Variants in PTPRE observed in about 807,000 individuals in gnomAD.
The protein encoded by PTPRE is receptor-type tyrosine-protein phosphatase epsilon.
PTPRE carries 51 observed loss-of-function variants against 102.0 expected under a neutral mutation model. The ratio of observed to expected loss-of-function variants is 0.50; its 90% CI spans 0.40 to 0.63. PTPRE has a LOEUF of 0.63. Among genes scored for constraint, PTPRE ranks in the 30% least tolerant of loss-of-function variants. The probability of loss-of-function intolerance (pLI) is 0.00; values close to 1 mark genes in which losing one functional copy is unlikely to be tolerated. For synonymous variants in PTPRE, 345 were observed against 348.2 expected, an observed-to-expected ratio of 0.99 and a Z score of 0.10; for missense variants, 752 against 915.1, an observed-to-expected ratio of 0.82 and a Z score of 2.30.
chr10:127,972,018 T>C (rs78215064), intron 1 of PTPRE, among the ~76,000 whole-genome samples: 6,166 of 152,304 alleles, frequency 0.04, 207 homozygotes, highest in Admixed American at 0.09. Flanking sequence ...GACTCTTAGA[T>C]GAGTTTGGAG....
chr10:128,025,439 T>C (rs992819148), intron 2 of PTPRE, among the ~76,000 whole-genome samples: 2 of 152,124 alleles, frequency 1.3e-5, no homozygotes, highest in African/African-American at 2.4e-5. Flanking sequence ...GGTCAGGACG[T>C]GGTCATTTGA....
chr10:128,083,930 T>A lies in PTPRE; in HGVS notation c.*1024T>A, dbSNP rs1297170841. The stretch of plus-strand genomic sequence containing the variant: ...AGCAGCATTTTGGTATTTAAACATT[T>A]CTTGTAAAAAGCTGAGACAGTTTGT... On this transcript the variant is annotated 3_prime_UTR_variant, in exon 21 of 21. Coordinates refer to ENST00000254667, the MANE Select transcript of PTPRE (RefSeq NM_006504.6). The A allele has an allele frequency of 1.3e-5, 2 of 152,212 alleles. No homozygotes were observed. The highest frequency in any genetic ancestry group is 2.9e-5 in the Non-Finnish European group (2 of 68,028). 9.4% of individuals were successfully genotyped at this position (152,212 alleles called of 1,614,324 possible).
intron 1 of PTPRE, among the ~76,000 whole-genome samples, chr10:127,919,591 A>G (rs1846449504): frequency 6.6e-6 from 1 of 152,202 alleles, no homozygotes; most frequent in Non-Finnish European, 1.5e-5. Flanking sequence ...ATCTGCATCC[A>G]TAAGAAGAAA....
rs554040314 is a variant in PTPRE, at chr10:128,028,292, G to A, written c.-7-12583G>A. Among the ~76,000 whole-genome samples the A allele has an allele frequency of 7.2e-5, 11 of 152,032 alleles. No homozygotes were observed. Among genetic ancestry groups the A allele is most frequent in the Non-Finnish European group, 1.0e-4 (7 of 68,022 alleles). On this transcript the variant is annotated intron_variant, in intron 2 of 20. Coordinates refer to ENST00000254667, the MANE Select transcript of PTPRE (RefSeq NM_006504.6). The surrounding 1 kb of genome is among the most constrained non-coding windows in gnomAD (Gnocchi z 4.5). ...CTGTCTCCTCCCCAGTCCTTTCTGC[G>A]ACCTCAGGTGGCCTCACTCCTGGCA...
intron 20 of PTPRE, among the ~76,000 whole-genome samples, chr10:128,082,191 C>CT (rs1564982467): frequency 1.8e-5 from 1 of 55,404 alleles, no homozygotes; most frequent in Non-Finnish European, 3.1e-5. Flanking sequence ...ATTTTTTTCT[C>CT]TTTCTTTTTT....
chr10:127,980,890 AT>A (rs1851557322), intron 1 of PTPRE, among the ~76,000 whole-genome samples: 2 of 152,232 alleles, frequency 1.3e-5, no homozygotes, highest in Admixed American at 1.3e-4. Context: ...CATGTACTGC[AT>A]TCACTATTTA....
In PTPRE at chr10:127,944,516, GTGGATGGATGGATAAA is replaced by G. The variant is rs1848492824; in HGVS notation, c.-31+37223_-31+37238del. The stretch of plus-strand genomic sequence containing the variant: ...GATGGATGGATGGATGGATGGATGG[GTGGATGGATGGATAAA>G]TGGATGGATGGATAAGTGGATGGAT... On this transcript the variant is annotated intron_variant, in intron 1 of 20. Coordinates refer to ENST00000254667, the MANE Select transcript of PTPRE (RefSeq NM_006504.6). The surrounding 1 kb of genome is among the most constrained non-coding windows in gnomAD (Gnocchi z 4.2). 1.5e-5 allele frequency among the ~76,000 whole-genome samples: 1 copy of G among 66,392 alleles called. No individual in the cohort carries two copies. The highest frequency in any genetic ancestry group is 5.4e-5 in the African/African-American group (1 of 18,634). 43.6% of individuals were successfully genotyped at this position (66,392 alleles called of 152,430 possible). A position where few individuals can be genotyped will look rare whatever the true frequency, so the allele number is the denominator to read the frequency against.
intron 2 of PTPRE, among the ~76,000 whole-genome samples, chr10:128,000,352 A>G (rs888031107): frequency 1.3e-5 from 2 of 152,238 alleles, no homozygotes; most frequent in Admixed American, 1.3e-4. Flanking sequence ...TTCAACTAAC[A>G]TGAAAATGTT....
At chr10:127,966,956 G>C (rs1394966033) in intron 1 of PTPRE, among the ~76,000 whole-genome samples, 1 of 152,198 alleles carries the variant, frequency 6.6e-6, no homozygotes. Flanking sequence ...ATTATTTTCA[G>C]ATAAAGTTTA....
At chr10:128,067,005 C>T (rs1590207649) in intron 11 of PTPRE, among the ~76,000 whole-genome samples, 1 of 150,510 alleles carries the variant, frequency 6.6e-6, no homozygotes, top group Non-Finnish European at 1.5e-5. Context: ...CACACACGTA[C>T]ACCTACCCAC....
chr10:127,996,003 G>T (rs1185565241), intron 2 of PTPRE, among the ~76,000 whole-genome samples: 1 of 152,146 alleles, frequency 6.6e-6, no homozygotes, highest in Non-Finnish European at 1.5e-5. Context: ...TGCCAGCCTT[G>T]GTCTTAAAGA....
At chr10:127,965,063 G>T (rs1310360282) in intron 1 of PTPRE, 2 of 455,300 alleles carry the variant, frequency 4.4e-6, no homozygotes, top group Admixed American at 4.7e-5. Flanking sequence ...TGAAGATCTT[G>T]CACTTGACTT....
intron 1 of PTPRE, among the ~76,000 whole-genome samples, chr10:127,920,840 T>G (rs1326601742): frequency 6.6e-6 from 1 of 152,234 alleles, no homozygotes. Flanking sequence ...GCCCTGGCTC[T>G]CTCTCATATG....
rs185034210 is a variant in PTPRE at position 128,041,575 on chromosome 10, G to C, written c.109+585G>C. 3.3e-3 allele frequency among the ~76,000 whole-genome samples: 502 copies of C among 150,172 alleles called. 6 individuals carry two copies. The highest frequency in any genetic ancestry group is 0.012 in the African/African-American group (488 of 40,756). ...AGGCAGGAGAATCACTTCAACCTGG[G>C]AGGCGGAGGTTGCAGTGAGCTGAGA... On this transcript the variant is annotated intron_variant, in intron 3 of 20. Coordinates refer to ENST00000254667, the MANE Select transcript of PTPRE (RefSeq NM_006504.6).
intron 2 of PTPRE, among the ~76,000 whole-genome samples, chr10:127,987,940 C>G (rs1029137551): frequency 6.6e-6 from 1 of 152,204 alleles, no homozygotes; most frequent in Non-Finnish European, 1.5e-5. Flanking sequence ...CTCCTGAGGC[C>G]AGGGCCGGCA....
chr10:127,926,588 T>C (rs1301670866), intron 1 of PTPRE, among the ~76,000 whole-genome samples: 1 of 152,100 alleles, frequency 6.6e-6, no homozygotes, highest in East Asian at 1.9e-4. Flanking sequence ...GGCTGGCTGG[T>C]GTGGGCGTGA....
At chr10:127,950,755 C>T (rs922332914) in intron 1 of PTPRE, among the ~76,000 whole-genome samples, 1 of 152,134 alleles carries the variant, frequency 6.6e-6, no homozygotes, top group Non-Finnish European at 1.5e-5. Flanking sequence ...TCAAAATGGT[C>T]TGACTCGTGT....
Position 127,993,503 on chromosome 10 carries a change from T to C in PTPRE, c.-8+11207T>C, listed in dbSNP as rs372999328. Among the ~76,000 whole-genome samples the C allele has an allele frequency of 3.9e-5, 6 of 152,168 alleles. No homozygotes were observed. The East Asian group carries it at 5.9e-4, about 15-fold the overall frequency. ...CTCCTGGAGGGGGCGAGGGAGCCCA[T>C]TGTCCTGGGATCCCCAGGGTTCACC... On this transcript the variant is annotated intron_variant, in intron 2 of 20. Transcript: ENST00000254667.
Position 128,083,359 on chromosome 10 carries a change from T to G in PTPRE, c.*453T>G, listed in dbSNP as rs1216286262. The G allele has an allele frequency of 6.5e-6, 1 of 153,432 alleles. No individual in the cohort carries two copies. Among genetic ancestry groups the G allele is most frequent in the Non-Finnish European group, 1.5e-5 (1 of 68,930 alleles). 9.5% of individuals were successfully genotyped at this position (153,432 alleles called of 1,614,324 possible). ...ACAGCAGCATTTTTGGAAGGCAAAC[T>G]GTTCGTGATGGTACAATGTAAATGG... On this transcript the variant is annotated 3_prime_UTR_variant, in exon 21 of 21. Transcript: ENST00000254667.
Sources: allele counts gnomAD v4.1 joint callset (sites outside exome capture counted in the v4.1 genomes callset), GRCh38; gene constraint gnomAD v4.1.1; non-coding constraint Gnocchi (gnomAD v3.1); transcripts MANE v1.5; gene names NCBI Gene and HGNC (gene_info 2026-07-23, HGNC 2026-07-21).